EXOSC7: variants seen among roughly 807,000 people sequenced by gnomAD.
EXOSC7 encodes exosome complex component RRP42.
In EXOSC7, 25 loss-of-function variants were observed where a neutral mutation model predicts 34.3. That is an observed-to-expected ratio of 0.73 (90% CI 0.53 to 1.02). The LOEUF (loss-of-function observed/expected upper bound fraction) is 1.02. EXOSC7 is among the 50% of genes least tolerant of loss of function. The pLI is 0.00. For synonymous variants in EXOSC7, 130 were observed against 143.0 expected (o/e 0.91, Z 0.65); for missense variants, 370 against 368.5 (o/e 1.00, Z -0.03).
chr3:44,979,072 A>G (rs1370781010), intron 1 of EXOSC7, among the ~76,000 whole-genome samples: 1 of 152,246 alleles, frequency 6.6e-6, no homozygotes, highest in Non-Finnish European at 1.5e-5. Context: ...AGAGCCATGC[A>G]GAGTAATGGG....
At chr3:45,001,046 A>G (rs1328644264) in intron 4 of EXOSC7, among the ~76,000 whole-genome samples, 1 of 152,166 alleles carries the variant, frequency 6.6e-6, no homozygotes, top group Non-Finnish European at 1.5e-5. Flanking sequence ...CAGTCACTGC[A>G]TGGCTAGCCA....
chr3:44,979,200 G>A (rs1706205386), intron 1 of EXOSC7, among the ~76,000 whole-genome samples: 1 of 152,190 alleles, frequency 6.6e-6, no homozygotes, highest in Non-Finnish European at 1.5e-5. Flanking sequence ...AGGTGAATGA[G>A]CCTACCATGG....
At chr3:44,986,243 A>G (rs192574093) in intron 1 of EXOSC7, among the ~76,000 whole-genome samples, 19 of 152,172 alleles carry the variant, frequency 1.2e-4, no homozygotes, top group African/African-American at 4.1e-4. Flanking sequence ...AGGCTCCCGC[A>G]TGGCAGGCTG....
At chr3:44,989,297 A>C (rs1706504749) in intron 2 of EXOSC7, 56 bp downstream of exon 2, 1 of 1,306,392 alleles carries the variant, frequency 7.7e-7, no homozygotes, top group African/African-American at 1.5e-5. Context: ...GGCCCTAAGG[A>C]ATGAGCTGCT....
At chr3:44,981,968 C>T (rs1257888381) in intron 1 of EXOSC7, among the ~76,000 whole-genome samples, 1 of 152,214 alleles carries the variant, frequency 6.6e-6, no homozygotes, top group Non-Finnish European at 1.5e-5. Context: ...TACCGCCTCT[C>T]ATGGGCTCCG....
chr3:45,003,340 TGCGTGCGTGC>T (rs371305835), intron 5 of EXOSC7, among the ~76,000 whole-genome samples: 35,235 of 146,334 alleles, frequency 0.24, 5,770 homozygotes, highest in East Asian at 0.77. Flanking sequence ...CGTGCGTGCG[TGCGTGCGTGC>T]GTGTGTGTGT....
intron 4 of EXOSC7, among the ~76,000 whole-genome samples, chr3:44,998,031 G>GTTTTTTTTTTT (rs200353427): frequency 1.4e-5 from 2 of 142,778 alleles, no homozygotes; most frequent in Admixed American, 7.0e-5. Context: ...ATTTTTTTTT[G>GTTTTTTTTTTT]TTTTTTTGTT....
chr3:44,989,077 G>A, intron 1 of EXOSC7, 63 bp from the exon 2 acceptor site: 2 of 1,095,248 alleles, frequency 1.8e-6, no homozygotes, highest in Non-Finnish European at 2.8e-6. Flanking sequence ...GAAAATGGGT[G>A]AGTCCGTTTA....
chr3:45,011,805 G>A (rs1697295150), downstream of EXOSC7, among the ~76,000 whole-genome samples: 1 of 152,218 alleles, frequency 6.6e-6, no homozygotes, highest in Non-Finnish European at 1.5e-5. Context: ...TGTCTGGTTA[G>A]CCATCCCAAA....
At chr3:44,985,520 A>G (rs1003976984) in intron 1 of EXOSC7, among the ~76,000 whole-genome samples, 5 of 150,194 alleles carry the variant, frequency 3.3e-5, no homozygotes, top group Non-Finnish European at 5.9e-5. Context: ...CTTCATGGTG[A>G]GTGTTACAGC....
chr3:44,992,127 G>C (rs1467808327), intron 3 of EXOSC7, among the ~76,000 whole-genome samples: 1 of 152,180 alleles, frequency 6.6e-6, no homozygotes, highest in South Asian at 2.1e-4. Context: ...CTGGACACCC[G>C]TGGATGTGCC....
At chr3:44,982,770 C>T (rs531027534) in intron 1 of EXOSC7, among the ~76,000 whole-genome samples, 1 of 152,210 alleles carries the variant, frequency 6.6e-6, no homozygotes, top group South Asian at 2.1e-4. Context: ...TTTACAGACC[C>T]ATGGCACAGA....
chr3:44,994,341 A>G (rs895207787), intron 3 of EXOSC7, among the ~76,000 whole-genome samples: 5 of 149,866 alleles, frequency 3.3e-5, no homozygotes, highest in African/African-American at 2.5e-5. Flanking sequence ...GTCAGATCCC[A>G]CCTGGGAGAT....
At chr3:44,977,568 A>G (rs4683014) in intron 1 of EXOSC7, among the ~76,000 whole-genome samples, 91,571 of 152,168 alleles carry the variant, frequency 0.6, 28,347 homozygotes, top group East Asian at 0.89. Flanking sequence ...TTCAGGATTA[A>G]CAACAGTGGG....
At chr3:44,979,768 G>T (rs185551513) in intron 1 of EXOSC7, among the ~76,000 whole-genome samples, 1 of 152,282 alleles carries the variant, frequency 6.6e-6, no homozygotes, top group East Asian at 1.9e-4. Context: ...CTTTTAGGGG[G>T]TTGAGGGAAA....
chr3:44,998,888 G>A (rs1706799693), intron 4 of EXOSC7, among the ~76,000 whole-genome samples: 1 of 152,162 alleles, frequency 6.6e-6, no homozygotes, highest in East Asian at 1.9e-4. Context: ...GGATGGTAGA[G>A]GCAGGCTTCA....
intron 4 of EXOSC7, among the ~76,000 whole-genome samples, chr3:44,997,791 AC>A (rs1307225440): frequency 6.6e-6 from 1 of 152,152 alleles, no homozygotes; most frequent in African/African-American, 2.4e-5. Flanking sequence ...TGATGTGAAC[AC>A]CTGGTTTGAC....
At chr3:45,012,055 C>T (rs1312397010), downstream of EXOSC7, 11 of 152,252 alleles carry the variant, frequency 7.2e-5, no homozygotes, top group Non-Finnish European at 1.6e-4. Context: ...CCTTCATGCT[C>T]TCAGCATTGA....
At chr3:45,001,797 C>T (rs1273513227) in intron 5 of EXOSC7, 189 bp downstream of exon 5, 5 of 508,974 alleles carry the variant, frequency 9.8e-6, no homozygotes, top group African/African-American at 5.9e-5. Context: ...TACATATATA[C>T]GTATATTCTG....
Sources: gnomAD v4.1 joint callset for allele counts (sites outside exome capture counted in the v4.1 genomes callset) on GRCh38, gnomAD v4.1.1 for gene constraint, MANE v1.5 for transcripts, NCBI Gene and HGNC (gene_info 2026-07-23, HGNC 2026-07-21) for gene names.